Variants in THRAP3 observed in about 807,000 individuals in gnomAD.
THRAP3 encodes thyroid hormone receptor associated protein 3.
A neutral mutation model predicts 101.0 loss-of-function variants in THRAP3; 16 were observed. The observed-to-expected ratio is 0.16, with a 90% CI of 0.11 to 0.24. The LOEUF (loss-of-function observed/expected upper bound fraction) is 0.24. Among genes scored for constraint, THRAP3 ranks in the 10% least tolerant of loss-of-function variants. The pLI is 1.00. For missense variants in THRAP3, 989 were observed against 1,202.7 expected (o/e 0.82, Z 2.63); for synonymous variants, 407 against 422.6 (o/e 0.96, Z 0.45).
At chr1:36,219,736 A>C (rs139682262), upstream of THRAP3, among the ~76,000 whole-genome samples, 62 of 151,978 alleles carry the variant, frequency 4.1e-4, no homozygotes, top group African/African-American at 1.4e-3. Context: ...GGCCCCTGAC[A>C]GATTGTCAAT....
chr1:36,235,594 G>A (rs1035369431), intron 1 of THRAP3, among the ~76,000 whole-genome samples: 2 of 151,980 alleles, frequency 1.3e-5, no homozygotes, highest in Non-Finnish European at 2.9e-5. Flanking sequence ...GATTTCCACC[G>A]TGACAAAAAA....
rs769764974 is a variant in THRAP3 at position 36,296,789 on chromosome 1, C to G, written c.2303+19C>G. On this transcript the variant is annotated intron_variant, in intron 9 of 11. Coordinates refer to ENST00000354618, the MANE Select transcript of THRAP3 (RefSeq NM_005119.4). ...AACAGAAGTACGTAAGCCCCTGTTA[C>G]CCCTTCCAGACTCTTAAGTTTCTTG... 2.6e-6 allele frequency: 4 copies of G among 1,554,532 alleles called. No individual in the cohort carries two copies. Among genetic ancestry groups the G allele is most frequent in the African/African-American group, 2.8e-5 (2 of 72,322 alleles).
chr1:36,279,640 C>T (rs1258978636), intron 2 of THRAP3, among the ~76,000 whole-genome samples: 3 of 152,126 alleles, frequency 2.0e-5, no homozygotes, highest in Non-Finnish European at 4.4e-5. Context: ...TTCTTGGCAT[C>T]CTCATCTAGC....
chr1:36,230,076 T>C (rs1645010709), intron 1 of THRAP3, among the ~76,000 whole-genome samples: 1 of 149,602 alleles, frequency 6.7e-6, no homozygotes, highest in Non-Finnish European at 1.5e-5. Context: ...TGCGTCAGCC[T>C]CCCGAGTCGC....
intron 2 of THRAP3, among the ~76,000 whole-genome samples, chr1:36,276,555 A>ACAG (rs1645663473): frequency 6.7e-6 from 1 of 148,198 alleles, no homozygotes; most frequent in East Asian, 2.0e-4. Context: ...GCTTCAAAGG[A>ACAG]CAGCATCAAG....
chr1:36,267,333 G>C (rs1254123476), intron 2 of THRAP3, among the ~76,000 whole-genome samples: 1 of 152,098 alleles, frequency 6.6e-6, no homozygotes, highest in Non-Finnish European at 1.5e-5. Context: ...TAGTAAAAAA[G>C]GAATGTTCCC....
chr1:36,243,351 G>T (rs933919856), intron 1 of THRAP3, among the ~76,000 whole-genome samples: 1 of 151,664 alleles, frequency 6.6e-6, no homozygotes, highest in Admixed American at 6.6e-5. Context: ...GCGGCCTTCC[G>T]CAGTGTTTGT....
At chr1:36,209,844 C>T in the THRAP3 span, among the ~76,000 whole-genome samples, 1 of 152,196 alleles carries the variant, frequency 6.6e-6, no homozygotes, top group Non-Finnish European at 1.5e-5. Context: ...ATGTTACATT[C>T]ACTGCCACCC....
At chr1:36,277,138 T>A (rs1645671498) in intron 2 of THRAP3, among the ~76,000 whole-genome samples, 1 of 151,772 alleles carries the variant, frequency 6.6e-6, no homozygotes, top group African/African-American at 2.4e-5. Context: ...CTGGCTAATT[T>A]TTGTATTTTT....
upstream of THRAP3, among the ~76,000 whole-genome samples, chr1:36,223,024 G>A (rs1644914643): frequency 6.6e-6 from 1 of 152,138 alleles, no homozygotes; most frequent in African/African-American, 2.4e-5. Flanking sequence ...CTACTCAGGA[G>A]GCTTAGGCAG....
At chr1:36,220,050 A>T (rs2124299078), upstream of THRAP3, among the ~76,000 whole-genome samples, 1 of 152,216 alleles carries the variant, frequency 6.6e-6, no homozygotes, top group South Asian at 2.1e-4. Flanking sequence ...GCTGGAGTGC[A>T]ATGGCGTGAC....
At chr1:36,239,817 T>A (rs1050373616) in intron 1 of THRAP3, among the ~76,000 whole-genome samples, 1 of 152,370 alleles carries the variant, frequency 6.6e-6, no homozygotes, top group Admixed American at 6.5e-5. Context: ...CTTTGTCACT[T>A]CTTTCCACTA....
chr1:36,251,926 C>T lies in THRAP3; in HGVS notation c.-134-7456C>T, dbSNP rs143902404. Among the ~76,000 whole-genome samples, 241 of 152,294 alleles carry T rather than the reference C, an allele frequency of 1.6e-3. 1 individual carries two copies. The highest frequency in any genetic ancestry group is 3.4e-3 in the Middle Eastern group (1 of 294). On this transcript the variant is annotated intron_variant, in intron 1 of 11. Coordinates refer to ENST00000354618, the MANE Select transcript of THRAP3 (RefSeq NM_005119.4). ...GTAGTTGGTGGAGTTGGGAATCAAACATAGGCTTCAGAGCCAGATGTGCTC... is the reference window on the plus strand; with the variant it reads ...GTAGTTGGTGGAGTTGGGAATCAAATATAGGCTTCAGAGCCAGATGTGCTC...
chr1:36,210,416 C>G, the THRAP3 span, among the ~76,000 whole-genome samples: 1 of 146,458 alleles, frequency 6.8e-6, no homozygotes, highest in Admixed American at 6.9e-5. Flanking sequence ...AGGCTGGGCA[C>G]AGTGGCTCAC....
At chr1:36,244,286 G>T (rs1645204796) in intron 1 of THRAP3, among the ~76,000 whole-genome samples, 1 of 151,932 alleles carries the variant, frequency 6.6e-6, no homozygotes, top group South Asian at 2.1e-4. Flanking sequence ...TTCCAAAATT[G>T]GTAATGTTAT....
At chr1:36,293,273 C>T (rs1034512091) in intron 7 of THRAP3, among the ~76,000 whole-genome samples, 4 of 152,128 alleles carry the variant, frequency 2.6e-5, no homozygotes, top group Non-Finnish European at 5.9e-5. Context: ...AGGTGACCTG[C>T]CCGCCTCAGC....
At chr1:36,261,328 C>T (rs552283139) in intron 2 of THRAP3, among the ~76,000 whole-genome samples, 1 of 152,144 alleles carries the variant, frequency 6.6e-6, no homozygotes, top group East Asian at 1.9e-4. Context: ...GTCAGGAGAT[C>T]GAGACCATCC....
intron 4 of THRAP3, chr1:36,288,651 AG>A (rs1557449600): frequency 1.0e-6 from 1 of 985,366 alleles, no homozygotes; most frequent in East Asian, 1.1e-4. Context: ...AAACAGTCCA[AG>A]GTTGAACATT....
chr1:36,270,218 GTC>G (rs1452198232), intron 2 of THRAP3, among the ~76,000 whole-genome samples: 1 of 152,106 alleles, frequency 6.6e-6, no homozygotes, highest in Admixed American at 6.6e-5. Context: ...GCGAGACCTT[GTC>G]TCTACAAAAA....
Sources: allele counts gnomAD v4.1 joint callset (sites outside exome capture counted in the v4.1 genomes callset), GRCh38; gene constraint gnomAD v4.1.1; transcripts MANE v1.5; gene names NCBI Gene and HGNC (gene_info 2026-07-23, HGNC 2026-07-21).